The following TNK2 variants were observed in gnomAD, a reference collection of about 807,000 sequenced individuals.
TNK2 encodes the protein tyrosine kinase non receptor 2.
In TNK2, 83 loss-of-function variants were observed where a neutral mutation model predicts 101.8. That is an observed-to-expected ratio of 0.82 (90% CI 0.68 to 0.98). The LOEUF (loss-of-function observed/expected upper bound fraction) is 0.98. TNK2 is among the 50% of genes least tolerant of loss of function. The pLI is 0.00. For synonymous variants in TNK2, 804 were observed against 633.0 expected, an observed-to-expected ratio of 1.27 and a Z score of -4.06; for missense variants, 1,665 against 1,483.2, an observed-to-expected ratio of 1.12 and a Z score of -2.01.
intron 6 of TNK2, among the ~76,000 whole-genome samples, 162 bp downstream of exon 6, chr3:195,881,889 A>G (rs1437227468): frequency 2.0e-5 from 3 of 152,060 alleles, no homozygotes; most frequent in Admixed American, 6.6e-5. Context: ...GAATTCCTAG[A>G]TGGATGGTGA....
chr3:195,897,079 A>AG (rs1760662058), intron 1 of TNK2, among the ~76,000 whole-genome samples: 2 of 152,126 alleles, frequency 1.3e-5, no homozygotes, highest in Non-Finnish European at 2.9e-5. Flanking sequence ...ACTGATGAGG[A>AG]GAGGGGGGCT....
intron 1 of TNK2, among the ~76,000 whole-genome samples, chr3:195,898,597 C>T (rs891289954): frequency 6.6e-5 from 10 of 152,022 alleles, no homozygotes; most frequent in Admixed American, 1.3e-4. Context: ...CAAGTGTTTG[C>T]CCTTCCCTAG....
At chr3:195,869,743 A>G in intron 11 of TNK2, 1 of 619,924 alleles carries the variant, frequency 1.6e-6, no homozygotes, top group South Asian at 1.9e-5. Context: ...TGATAGGCAG[A>G]GGACCGGGAG....
At position 195,864,137 on chromosome 3, in the gene TNK2, CAGGTG is replaced by C. The variant is rs1407038071; in HGVS notation, c.*39_*43del. 1 of 1,613,788 alleles carries C rather than the reference CAGGTG, an allele frequency of 6.2e-7. No individual in the cohort carries two copies. The highest frequency in any genetic ancestry group is 8.5e-7 in the Non-Finnish European group (1 of 1,179,794). On this transcript the variant is annotated 3_prime_UTR_variant, in exon 16 of 16. Transcript: ENST00000672887. ...CCCACTCCTGGTGGACGGACAGGCT[CAGGTG>C]ATTCCTTCAGGCAGGCCCTCTGGCT...
chr3:195,870,254 G>GGT (rs769678395), intron 10 of TNK2, 49 bp from the exon 11 acceptor site: 21 of 1,598,510 alleles, frequency 1.3e-5, no homozygotes, highest in Non-Finnish European at 1.8e-5. Context: ...CGTGTGGAGG[G>GGT]GTGGCAGAAT....
At chr3:195,892,479 C>T in intron 1 of TNK2, 1 of 1,535,638 alleles carries the variant, frequency 6.5e-7, no homozygotes, top group Non-Finnish European at 8.7e-7. Context: ...AACCGACGTG[C>T]TGCCGGCATC....
At chr3:195,891,177 G>A (rs1411509978) in intron 1 of TNK2, among the ~76,000 whole-genome samples, 2 of 152,338 alleles carry the variant, frequency 1.3e-5, no homozygotes, top group Admixed American at 6.5e-5. Flanking sequence ...CCAGCACTTA[G>A]GCTGAGGTGG....
At position 195,868,293 on chromosome 3, in the gene TNK2, G is replaced by A. The variant is rs755903649; in HGVS notation, c.2005C>T (p.Leu669Phe). ...DFEICSINST[L>F]VGAGVPAGPS... is the part of the protein sequence containing the mutation. ...CCGGCAGGGACCCCCGCGCCCACGA[G>A]GGTGCTGTTGATGGAGCAGATCTCA... The change falls in exon 13 of 16, where the codon CTC becomes TTC. Residue 669 changes from leucine to phenylalanine, a missense_variant. Around this residue, in one of 3 missense-constraint regions of TNK2, gnomAD observed 1,136 missense variants for 894.9 expected, o/e 1.27. Coordinates refer to ENST00000672887, the MANE Select transcript of TNK2 (RefSeq NM_001382273.1). 6.2e-6 allele frequency: 10 copies of A among 1,603,688 alleles called. No individual in the cohort carries two copies. The highest frequency in any genetic ancestry group is 8.5e-6 in the Non-Finnish European group (10 of 1,179,532).
chr3:195,883,504 C>G, intron 4 of TNK2, 195 bp from the exon 5 acceptor site: 1 of 607,762 alleles, frequency 1.6e-6, no homozygotes, highest in Non-Finnish European at 2.8e-6. Context: ...ACGGCTGGCC[C>G]TCAGGAGCCA....
intron 1 of TNK2, among the ~76,000 whole-genome samples, chr3:195,890,947 C>T (rs1052640730): frequency 6.6e-6 from 1 of 152,144 alleles, no homozygotes; most frequent in Non-Finnish European, 1.5e-5. Flanking sequence ...GATCTGACTC[C>T]TCACTACATT....
chr3:195,887,479 G>C (rs983617512), intron 2 of TNK2, among the ~76,000 whole-genome samples: 1 of 151,708 alleles, frequency 6.6e-6, no homozygotes, highest in South Asian at 2.1e-4. Flanking sequence ...TGTCTAACTT[G>C]ACACGTTATT....
At chr3:195,898,377 A>G (rs778057448) in intron 1 of TNK2, among the ~76,000 whole-genome samples, 21 of 152,160 alleles carry the variant, frequency 1.4e-4, no homozygotes, top group African/African-American at 4.1e-4. Flanking sequence ...CCTCATCTGT[A>G]AAGAGGGGAA....
rs1560504246 is a variant in TNK2 at position 195,878,158 on chromosome 3, G to A, written c.1256+95C>T. On this transcript the variant is annotated intron_variant, in intron 9 of 15. Transcript: ENST00000672887. The surrounding 1 kb of genome is among the most constrained non-coding windows in gnomAD (Gnocchi z 4.7). Reference sequence around the variant, plus strand: ...CAACCGCCAGCCTGTATGTGGCCAAGGGAATCTTGGAGGCCAAACAGATCT... The same window carrying A: ...CAACCGCCAGCCTGTATGTGGCCAAAGGAATCTTGGAGGCCAAACAGATCT... The A allele has an allele frequency of 8.9e-6, 12 of 1,347,850 alleles. No homozygotes were observed. The highest frequency in any genetic ancestry group is 1.1e-5 in the Non-Finnish European group (10 of 943,574). The allele number at this position is 1,347,850 out of a possible 1,614,324, so 83.5% of individuals were successfully genotyped here. A position where few individuals can be genotyped will look rare whatever the true frequency, so the allele number is the denominator to read the frequency against.
At chr3:195,887,952 CTGCGTGTGTGTG>C (rs1756784696) in intron 2 of TNK2, among the ~76,000 whole-genome samples, 1 of 75,216 alleles carries the variant, frequency 1.3e-5, no homozygotes. Flanking sequence ...GCGTGTGTGC[CTGCGTGTGTGTG>C]TGTGTGTGTG....
chr3:195,903,955 A>C lies in TNK2; in HGVS notation c.-19+4530T>G, dbSNP rs534082152. ...AATGGTATTTACATATACTAGCAAC[A>C]AACAACTGGAAAGTAAAGTTTAAAC... On this transcript the variant is annotated intron_variant, in intron 1 of 15. Coordinates refer to ENST00000672887, the MANE Select transcript of TNK2 (RefSeq NM_001382273.1). Among the ~76,000 whole-genome samples the C allele has an allele frequency of 2.6e-5, 4 of 152,354 alleles. No homozygotes were observed. In the East Asian group the frequency reaches 7.7e-4, roughly 29 times the overall value.
chr3:195,878,923 G>C lies in TNK2; in HGVS notation c.1014+126C>G, dbSNP rs1387501168. 18 of 1,437,312 alleles carry C rather than the reference G, an allele frequency of 1.3e-5. No individual in the cohort carries two copies. Among genetic ancestry groups the C allele is most frequent in the Non-Finnish European group, 1.6e-5 (17 of 1,059,110 alleles). The allele number at this position is 1,437,312 out of a possible 1,614,324, so 89.0% of individuals were successfully genotyped here. A position where few individuals can be genotyped will look rare whatever the true frequency, so the allele number is the denominator to read the frequency against. On this transcript the variant is annotated intron_variant, in intron 7 of 15. Transcript: ENST00000672887. The surrounding 1 kb of genome is among the most constrained non-coding windows in gnomAD (Gnocchi z 4.7). ...GGCGTGGTGGGAGGCACGGGAAGTG[G>C]GGGGAGGCACGGGGCGTGGGAGGAG... is the stretch of plus-strand genomic sequence containing the variant.
intron 9 of TNK2, chr3:195,876,736 C>T (rs759209883): frequency 2.3e-5 from 10 of 432,522 alleles, no homozygotes; most frequent in South Asian, 3.2e-5. Flanking sequence ...CTGGGGCCAA[C>T]GGGGGCCTTC....
rs763273564 is a variant in TNK2 at position 195,868,048 on chromosome 3, G to T, written c.2250C>A (p.Asp750Glu). The change falls in exon 13 of 16, where the codon GAC becomes GAA. Residue 750 changes from aspartate (D) to glutamate (E), a missense_variant. Around this residue, in one of 3 missense-constraint regions of TNK2, gnomAD observed 1,136 missense variants for 894.9 expected, o/e 1.27. Transcript: ENST00000672887. Reference sequence around the variant, plus strand: ...GTACCCGAGGAGGCACCTGGGGCTTGTCGTCACCCCCCGGGCTGGGAGAGG... The same window carrying T: ...GTACCCGAGGAGGCACCTGGGGCTTTTCGTCACCCCCCGGGCTGGGAGAGG... ...PAPSPSPGGD[D>E]KPQVPPRVPI... 7 of 1,597,916 alleles carry T rather than the reference G, an allele frequency of 4.4e-6. No individual in the cohort carries two copies. In the East Asian group the frequency reaches 1.4e-4, roughly 31 times the overall value.
chr3:195,906,063 T>C (rs1761682254), intron 1 of TNK2, among the ~76,000 whole-genome samples: 1 of 150,862 alleles, frequency 6.6e-6, no homozygotes, highest in Non-Finnish European at 1.5e-5. Context: ...AATGAGCACA[T>C]GAGAAGATGC....
Sources: allele counts gnomAD v4.1 joint callset (sites outside exome capture counted in the v4.1 genomes callset), GRCh38; gene constraint gnomAD v4.1.1; regional missense constraint gnomAD v4.1.1; non-coding constraint Gnocchi (gnomAD v3.1); transcripts MANE v1.5; gene names NCBI Gene and HGNC (gene_info 2026-07-23, HGNC 2026-07-21).